The following CDH4 variants were observed in gnomAD, a reference collection of about 807,000 sequenced individuals.
CDH4 encodes the protein cadherin 4.
In CDH4, 33 loss-of-function variants were observed where a neutral mutation model predicts 86.0. That is an observed-to-expected ratio of 0.38 (90% CI 0.29 to 0.51). The LOEUF is 0.51. Ranked by LOEUF, CDH4 falls within the 20% of genes least tolerant of loss-of-function variation. The pLI is 0.86. For synonymous variants in CDH4, 555 were observed against 549.4 expected (o/e 1.01, Z -0.14); for missense variants, 1,114 against 1,307.4 (o/e 0.85, Z 2.28).
At chr20:61,857,628 C>G (rs1234218187) in intron 6 of CDH4, among the ~76,000 whole-genome samples, 1 of 152,276 alleles carries the variant, frequency 6.6e-6, no homozygotes, top group Non-Finnish European at 1.5e-5. Flanking sequence ...CTTTCGTCTG[C>G]TGCGTTGGGC....
intron 3 of CDH4, among the ~76,000 whole-genome samples, chr20:61,770,549 G>C (rs530415183): frequency 6.6e-6 from 1 of 152,260 alleles, no homozygotes; most frequent in Non-Finnish European, 1.5e-5. Context: ...TTCTGTTGGC[G>C]CTGTCAGCCG....
Position 61,852,888 on chromosome 20 carries a change from C to T in CDH4, c.867C>T (p.Gly289=), listed in dbSNP as rs754211417. 1.5e-5 allele frequency: 24 copies of T among 1,613,900 alleles called. No homozygotes were observed. In the South Asian group the frequency reaches 2.5e-4, roughly 17 times the overall value. ...NQVYNGSVDE[G]SKPGTYVMTV... ...TCTACAACGGCTCCGTGGACGAGGG[C>T]TCCAAGCCAGGTGAGGCCTTTAGCG... is the stretch of plus-strand genomic sequence containing the variant. The change falls in exon 6 of 16, where the codon GGC becomes GGT. Residue 289 remains glycine, a synonymous_variant. Coordinates refer to ENST00000614565, the MANE Select transcript of CDH4 (RefSeq NM_001794.5).
intron 2 of CDH4, among the ~76,000 whole-genome samples, chr20:61,651,437 G>A (rs140039281): frequency 2.6e-4 from 39 of 152,360 alleles, no homozygotes; most frequent in African/African-American, 8.7e-4. Context: ...CTGTCGCGGC[G>A]TTCCTCTCCT....
intron 6 of CDH4, among the ~76,000 whole-genome samples, chr20:61,870,311 G>A (rs376323350): frequency 6.6e-6 from 1 of 152,230 alleles, no homozygotes; most frequent in Non-Finnish European, 1.5e-5. Flanking sequence ...GGCCAGCTGG[G>A]CACAGGGTGG....
chr20:61,737,858 C>G (rs2088283887), intron 2 of CDH4, among the ~76,000 whole-genome samples: 1 of 152,196 alleles, frequency 6.6e-6, no homozygotes, highest in East Asian at 1.9e-4. Flanking sequence ...AGAGAGGGAC[C>G]ACCGTTCCTC....
At chr20:61,744,187 G>A (rs566747062) in intron 3 of CDH4, among the ~76,000 whole-genome samples, 9 of 152,354 alleles carry the variant, frequency 5.9e-5, no homozygotes, top group African/African-American at 2.2e-4. Context: ...TGAGAAGCAA[G>A]CGGAGACTGT....
At chr20:61,845,384 G>A (rs1442889898) in intron 5 of CDH4, among the ~76,000 whole-genome samples, 1 of 152,226 alleles carries the variant, frequency 6.6e-6, no homozygotes, top group Middle Eastern at 3.2e-3. Context: ...AGAAATGCTA[G>A]AGAGACGTGG....
chr20:61,756,962 G>C (rs2088572377), intron 3 of CDH4, among the ~76,000 whole-genome samples: 2 of 152,186 alleles, frequency 1.3e-5, no homozygotes, highest in African/African-American at 4.8e-5. Context: ...CTCCCAAAAG[G>C]TGGCCCTCAA....
rs760981738 is a variant in CDH4, at chr20:61,923,649, G to A, written c.1573G>A (p.Val525Met). ...GGAGGAGGGCGTGCCCCCCGGCACC[G>A]TGCTGACCACGTTTTCAGCTGTGGA... is the stretch of plus-strand genomic sequence containing the variant. ...RLEEGVPPGT[V>M]LTTFSAVDPD... Residue 525 changes from valine (V) to methionine (M), a missense_variant, in exon 10 of 16, where the codon GTG becomes ATG. Val to Met is a conservative substitution (Grantham distance 21, BLOSUM62 1). Transcript: ENST00000614565. 19 of 1,613,930 alleles carry A rather than the reference G, an allele frequency of 1.2e-5. No individual in the cohort carries two copies. Among genetic ancestry groups the A allele is most frequent in the East Asian group, 8.9e-5 (4 of 44,890 alleles).
At chr20:61,256,205 ACT>A (rs565109331) in intron 2 of CDH4, among the ~76,000 whole-genome samples, 59 of 152,160 alleles carry the variant, frequency 3.9e-4, no homozygotes, top group African/African-American at 1.3e-3. Flanking sequence ...GGGATCCTTC[ACT>A]CTCAGTGCGT....
At chr20:61,777,646 A>ACATCCACATG (rs2088857750) in intron 4 of CDH4, among the ~76,000 whole-genome samples, 1 of 109,900 alleles carries the variant, frequency 9.1e-6, no homozygotes. Context: ...ACGTCTACAC[A>ACATCCACATG]CGCACACACG....
In CDH4 at chr20:61,454,337, C is replaced by T. The variant is rs185539849; in HGVS notation, c.169+199400C>T. Reference sequence around the variant, plus strand: ...TGAACTTTGTTATGGGGACATGCACCTGGGGGGAAGGTTGTGATGGGAGGG... The same window carrying T: ...TGAACTTTGTTATGGGGACATGCACTTGGGGGGAAGGTTGTGATGGGAGGG... On this transcript the variant is annotated intron_variant, in intron 2 of 15. Coordinates refer to ENST00000614565, the MANE Select transcript of CDH4 (RefSeq NM_001794.5). Among the ~76,000 whole-genome samples, 403 of 152,234 alleles carry T rather than the reference C, an allele frequency of 2.6e-3. 4 individuals are homozygous for T. Among genetic ancestry groups the T allele is most frequent in the African/African-American group, 9.1e-3 (378 of 41,536 alleles).
Position 61,895,051 on chromosome 20 carries a change from A to C in CDH4, c.1188+4A>C. ...GCCAGAATTTACCGCCAGCACGGTG[A>C]GTCCCTCGAAGCTGCCCAGTGACGC... On this transcript the variant is annotated splice_donor_region_variant and intron_variant, in intron 8 of 15. Coordinates refer to ENST00000614565, the MANE Select transcript of CDH4 (RefSeq NM_001794.5). 6.2e-7 allele frequency: 1 copy of C among 1,613,232 alleles called. No homozygotes were observed. Among genetic ancestry groups the C allele is most frequent in the South Asian group, 1.1e-5 (1 of 91,002 alleles).
At chr20:61,420,645 C>T (rs536028378) in intron 2 of CDH4, among the ~76,000 whole-genome samples, 6 of 152,376 alleles carry the variant, frequency 3.9e-5, no homozygotes, top group African/African-American at 4.8e-5. Context: ...CAGCCAAAGC[C>T]GTGCTCTGGA....
At chr20:61,397,587 G>A (rs6061700) in intron 2 of CDH4, among the ~76,000 whole-genome samples, 34,732 of 151,928 alleles carry the variant, frequency 0.23, 4,037 homozygotes, top group East Asian at 0.39. Flanking sequence ...AATACTTTTT[G>A]TAAATCCTGT....
At chr20:61,537,204 A>G (rs6061620) in intron 2 of CDH4, among the ~76,000 whole-genome samples, 47,499 of 152,068 alleles carry the variant, frequency 0.31, 11,865 homozygotes, top group African/African-American at 0.69. Flanking sequence ...CCTTTGTCAC[A>G]TGGTACAATG....
intron 2 of CDH4, among the ~76,000 whole-genome samples, chr20:61,442,154 T>G (rs2085317704): frequency 6.6e-6 from 1 of 152,198 alleles, no homozygotes; most frequent in Non-Finnish European, 1.5e-5. Flanking sequence ...CAGTCTTTGC[T>G]AAATTGAGCA....
intron 2 of CDH4, among the ~76,000 whole-genome samples, chr20:61,300,934 T>A (rs1381669354): frequency 6.6e-6 from 1 of 152,108 alleles, no homozygotes; most frequent in Admixed American, 6.5e-5. Context: ...GGGCGGCTGC[T>A]CCCTCCCCCG....
chr20:61,921,086 A>AT (rs1458013696), intron 9 of CDH4, among the ~76,000 whole-genome samples: 1 of 144,940 alleles, frequency 6.9e-6, no homozygotes, highest in East Asian at 2.2e-4. Context: ...GCATGGAAGC[A>AT]TTGTGTCACA....
Sources: allele counts gnomAD v4.1 joint callset (sites outside exome capture counted in the v4.1 genomes callset), GRCh38; gene constraint gnomAD v4.1.1; transcripts MANE v1.5; gene names NCBI Gene and HGNC (gene_info 2026-07-23, HGNC 2026-07-21).